MTOR: variants seen among roughly 807,000 people sequenced by gnomAD.
The protein encoded by MTOR is mechanistic target of rapamycin kinase.
Under a neutral mutation model 319.8 loss-of-function variants are expected in MTOR, and 70 were observed. That is an observed-to-expected ratio of 0.22 (90% CI 0.18 to 0.27). The LOEUF (loss-of-function observed/expected upper bound fraction) is 0.27, where lower values mean the gene tolerates loss of function less well. Ranked by LOEUF, MTOR falls within the 10% of genes least tolerant of loss-of-function variation. The probability of loss-of-function intolerance (pLI) is 1.00; values close to 1 mark genes in which losing one functional copy is unlikely to be tolerated. For missense variants in MTOR, 1,890 were observed against 3,274.4 expected (o/e 0.58, Z 10.32); for synonymous variants, 1,183 against 1,211.4 (o/e 0.98, Z 0.49).
At chr1:11,180,793 T>C (rs954504931) in intron 28 of MTOR, among the ~76,000 whole-genome samples, 40 of 152,060 alleles carry the variant, frequency 2.6e-4, no homozygotes, top group Non-Finnish European at 4.7e-4. Flanking sequence ...TTTTTTTTTT[T>C]TTTTGACGGA....
At position 11,115,891 on chromosome 1, in the gene MTOR, T is replaced by C. The variant is rs1475696900; in HGVS notation, c.7017-423A>G. Among the ~76,000 whole-genome samples the C allele has an allele frequency of 1.3e-5, 2 of 152,232 alleles. No homozygotes were observed. The highest frequency in any genetic ancestry group is 2.9e-5 in the Non-Finnish European group (2 of 68,034). On this transcript the variant is annotated intron_variant, in intron 50 of 57. Coordinates refer to ENST00000361445, the MANE Select transcript of MTOR (RefSeq NM_004958.4). The surrounding 1 kb of genome is among the most constrained non-coding windows in gnomAD (Gnocchi z 4.5). The stretch of plus-strand genomic sequence containing the variant: ...CATTTCTGGCAGCACTGGCACCTTC[T>C]GGTGACAAGGCTCTATCATTTTTAC...
chr1:11,209,587 C>T, intron 24 of MTOR, 129 bp from the exon 25 acceptor site: 2 of 1,078,440 alleles, frequency 1.9e-6, no homozygotes. Context: ...AAAAGTTGCA[C>T]ATATGGACAA....
At chr1:11,249,059 A>C (rs150722436) in intron 6 of MTOR, among the ~76,000 whole-genome samples, 1,696 of 152,208 alleles carry the variant, frequency 0.011, 66 homozygotes, top group South Asian at 0.065. Flanking sequence ...ACCCGTTTCT[A>C]CTAAAAATAC....
intron 30 of MTOR, among the ~76,000 whole-genome samples, chr1:11,153,833 C>T (rs946936146): frequency 6.6e-6 from 1 of 151,920 alleles, no homozygotes; most frequent in African/African-American, 2.4e-5. Context: ...CTTTGAGAGG[C>T]TGAGGCAGGT....
intron 36 of MTOR, among the ~76,000 whole-genome samples, chr1:11,136,695 G>T (rs1031953399): frequency 2.6e-5 from 4 of 151,640 alleles, no homozygotes; most frequent in African/African-American, 7.3e-5. Flanking sequence ...TAGAGATGAG[G>T]TCTTGCTATG....
At chr1:11,189,855 G>T in intron 28 of MTOR, 1 of 1,614,234 alleles carries the variant, frequency 6.2e-7, no homozygotes, top group Non-Finnish European at 8.5e-7. Context: ...AGCGCATGGA[G>T]TCGCGGCTCA....
intron 28 of MTOR, among the ~76,000 whole-genome samples, chr1:11,177,423 T>G (rs1288439869): frequency 3.3e-5 from 5 of 151,900 alleles, no homozygotes; most frequent in African/African-American, 1.2e-4. Flanking sequence ...CTGGGTGAGG[T>G]GATCTGTGTC....
In MTOR at chr1:11,108,211, T is replaced by C; in HGVS notation, c.7604A>G (p.His2535Arg). 3 of 1,613,900 alleles carry C rather than the reference T, an allele frequency of 1.9e-6. No individual in the cohort carries two copies. The highest frequency in any genetic ancestry group is 2.2e-5 in the East Asian group (1 of 44,874). ...VELLIKQATS[H>R]ENLCQCYIGW... ...AATATAGCACTGGCAGAGGTTTTCATGGGATGTCGCTTGTTTGATGAGCAG... is the reference window on the plus strand; with the variant it reads ...AATATAGCACTGGCAGAGGTTTTCACGGGATGTCGCTTGTTTGATGAGCAG... The change falls in exon 57 of 58, where the codon CAT becomes CGT. Residue 2535 changes from histidine (H) to arginine (R), a missense_variant. Physicochemically the swap from His to Arg is conservative, Grantham distance 29 (BLOSUM62 0). Transcript: ENST00000361445.
chr1:11,136,532 C>T (rs1643426970), intron 36 of MTOR, among the ~76,000 whole-genome samples: 1 of 152,204 alleles, frequency 6.6e-6, no homozygotes. Context: ...GGGTCTCTCA[C>T]TCTGTTACCC....
Position 11,210,894 on chromosome 1 carries a change from T to A in MTOR, c.3574A>T (p.Ile1192Phe). 6.2e-7 allele frequency: 1 copy of A among 1,612,982 alleles called. No homozygotes were observed. Among genetic ancestry groups the A allele is most frequent in the Non-Finnish European group, 8.5e-7 (1 of 1,179,246 alleles). ...FQLGKKYQIF[I>F]PMVNKVLVRH... ...ACCAGAACTTTATTCACCATTGGAA[T>A]GAAAATTTGGTACTAAAACAGGAGG... The change falls in exon 24 of 58, where the codon ATT becomes TTT. Residue 1192 changes from isoleucine to phenylalanine, a missense_variant. Transcript: ENST00000361445.
intron 53 of MTOR, 87 bp downstream of exon 53, chr1:11,114,231 G>GC: frequency 4.5e-6 from 7 of 1,546,036 alleles, no homozygotes; most frequent in Non-Finnish European, 5.3e-6. Context: ...CTGGCCTCAA[G>GC]CAACTCCTCT....
Position 11,199,425 on chromosome 1 carries a change from CA to C in MTOR, c.4108-23del. The C allele has an allele frequency of 6.2e-7, 1 of 1,614,164 alleles. No individual in the cohort carries two copies. The highest frequency in any genetic ancestry group is 8.5e-7 in the Non-Finnish European group (1 of 1,180,024). On this transcript the variant is annotated intron_variant, in intron 27 of 57. Coordinates refer to ENST00000361445, the MANE Select transcript of MTOR (RefSeq NM_004958.4). This position sits in a 1 kb window ranked among gnomAD's most constrained non-coding sequence, Gnocchi z 4.5. Reference sequence around the variant, plus strand: ...GGCCCTGGAGAAGAGCAAAACCTCACAGCACAGGAAAATGGCAGATGGGGCA... The same window carrying C: ...GGCCCTGGAGAAGAGCAAAACCTCACGCACAGGAAAATGGCAGATGGGGCA...
At position 11,231,319 on chromosome 1, in the gene MTOR, T is replaced by C. The variant is rs1647008376; in HGVS notation, c.2630A>G (p.Asn877Ser). The C allele has an allele frequency of 1.2e-6, 2 of 1,614,014 alleles. No individual in the cohort carries two copies. Among genetic ancestry groups the C allele is most frequent in the Admixed American group, 3.3e-5 (2 of 60,000 alleles). ...CCCTACCTCTCTGCGTGTACCCTGG[T>C]TCTGCTCAGTCTTCAGAAAATTCAG... Reference protein sequence around the residue: ...VLLNFLKTEQNQGTRREAIRV... With the variant: ...VLLNFLKTEQSQGTRREAIRV... The change falls in exon 17 of 58, where the codon AAC becomes AGC. Residue 877 changes from asparagine to serine, a missense_variant. Asn to Ser is a conservative substitution (Grantham distance 46, BLOSUM62 1). This residue lies in a region of MTOR where 377 missense variants were observed against 653.9 expected (regional missense o/e 0.58). Transcript: ENST00000361445.
chr1:11,148,124 T>A (rs1643998210), intron 31 of MTOR, among the ~76,000 whole-genome samples: 1 of 152,116 alleles, frequency 6.6e-6, no homozygotes. Context: ...CTCCCTTTAC[T>A]CCTGCTTGGG....
chr1:11,117,417 T>C (rs1194545963), intron 49 of MTOR, among the ~76,000 whole-genome samples: 2 of 152,188 alleles, frequency 1.3e-5, no homozygotes, highest in Non-Finnish European at 2.9e-5. Context: ...TGCCTCGGCC[T>C]CCCAAAATGC....
At chr1:11,235,060 G>A (rs925232130) in intron 13 of MTOR, among the ~76,000 whole-genome samples, 2 of 152,142 alleles carry the variant, frequency 1.3e-5, no homozygotes, top group Non-Finnish European at 2.9e-5. Flanking sequence ...TTAATAACCC[G>A]ATTTTTCTGG....
intron 11 of MTOR, among the ~76,000 whole-genome samples, chr1:11,239,382 G>A (rs560054867): frequency 1.5e-4 from 23 of 152,244 alleles, no homozygotes; most frequent in Middle Eastern, 3.4e-3. Flanking sequence ...TATCATGGGT[G>A]TGAATCAATG....
chr1:11,194,869 A>G (rs768356952), intron 28 of MTOR: 1 of 1,614,048 alleles, frequency 6.2e-7, no homozygotes, highest in Non-Finnish European at 8.5e-7. Context: ...TACTGGTACA[A>G]CTGCTGCACA....
At chr1:11,183,452 T>C (rs189641667) in intron 28 of MTOR, among the ~76,000 whole-genome samples, 89 of 152,310 alleles carry the variant, frequency 5.8e-4, no homozygotes, top group Non-Finnish European at 7.8e-4. Flanking sequence ...AATCTTTTTA[T>C]TGTGCTACCT....
Sources: allele counts gnomAD v4.1 joint callset (sites outside exome capture counted in the v4.1 genomes callset), GRCh38; gene constraint gnomAD v4.1.1; regional missense constraint gnomAD v4.1.1; non-coding constraint Gnocchi (gnomAD v3.1); transcripts MANE v1.5; gene names NCBI Gene and HGNC (gene_info 2026-07-23, HGNC 2026-07-21).